The following BBC3 variants were observed in gnomAD, a reference collection of about 807,000 sequenced individuals.
BBC3 encodes BCL2 binding component 3, also known as bcl-2-binding component 3.
In BBC3, 5 loss-of-function variants were observed where a neutral mutation model predicts 18.2. The ratio of observed to expected loss-of-function variants is 0.27; its 90% CI spans 0.14 to 0.58. BBC3 has a LOEUF of 0.58. Among genes scored for constraint, BBC3 ranks in the 20% least tolerant of loss-of-function variants. BBC3 has a pLI of 0.91. For missense variants in BBC3, 224 were observed against 268.9 expected, an observed-to-expected ratio of 0.83 and a Z score of 1.17; for synonymous variants, 119 against 128.0, an observed-to-expected ratio of 0.93 and a Z score of 0.47.
chr19:47,227,452 C>T (rs184146269), intron 2 of BBC3, among the ~76,000 whole-genome samples: 9 of 152,286 alleles, frequency 5.9e-5, no homozygotes, highest in African/African-American at 2.2e-4. Flanking sequence ...AAATCGGTGT[C>T]CCCTTCCAGG....
Position 47,230,260 on chromosome 19 carries a change from C to G in BBC3, c.-16+669G>C, listed in dbSNP as rs1446886537. ...CAGAAACCCCAACATTCCTCTGGAT[C>G]GACACCACCACTCCCTGCAGAACCC... is the stretch of plus-strand genomic sequence containing the variant. On this transcript the variant is annotated intron_variant, in intron 1 of 3. Transcript: ENST00000439096. The surrounding 1 kb of genome is among the most constrained non-coding windows in gnomAD (Gnocchi z 6.7). Among the ~76,000 whole-genome samples, 3 of 152,054 alleles carry G rather than the reference C, an allele frequency of 2.0e-5. No homozygotes were observed. The highest frequency in any genetic ancestry group is 3.9e-4 in the East Asian group (2 of 5,184).
In BBC3 at chr19:47,228,687, G is replaced by A. The variant is rs969257453; in HGVS notation, c.-15-241C>T. Among the ~76,000 whole-genome samples the A allele has an allele frequency of 1.2e-4, 19 of 152,090 alleles. No individual in the cohort carries two copies. The highest frequency in any genetic ancestry group is 4.1e-4 in the African/African-American group (17 of 41,404). On this transcript the variant is annotated intron_variant, in intron 1 of 3. Transcript: ENST00000439096. This position sits in a 1 kb window ranked among gnomAD's most constrained non-coding sequence, Gnocchi z 5.5. ...CAGGAGGGACAGGGGGCACAGGACGGCTCTCACAGCAAGGACAGGGCTCAC... is the reference window on the plus strand; with the variant it reads ...CAGGAGGGACAGGGGGCACAGGACGACTCTCACAGCAAGGACAGGGCTCAC...
intron 3 of BBC3, among the ~76,000 whole-genome samples, chr19:47,226,261 C>T (rs1360966437): frequency 1.3e-5 from 2 of 151,736 alleles, no homozygotes; most frequent in Admixed American, 1.3e-4. Context: ...CCGCGCCGCC[C>T]AGCGCCGCCC....
Position 47,228,995 on chromosome 19 carries a change from T to TACACACACACACACACAC in BBC3, c.-15-550_-15-549insGTGTGTGTGTGTGTGTGT, listed in dbSNP as rs529213576. On this transcript the variant is annotated intron_variant, in intron 1 of 3. Coordinates refer to ENST00000439096, the MANE Select transcript of BBC3 (RefSeq NM_014417.5). The surrounding 1 kb of genome is among the most constrained non-coding windows in gnomAD (Gnocchi z 5.5). ...GGACATCACTACTCAGTACACACAA[T>TACACACACACACACACAC]ACACACACACCCCCGACCAAAGCAG... 2.0e-3 allele frequency among the ~76,000 whole-genome samples: 301 copies of TACACACACACACACACAC among 151,562 alleles called. 2 individuals carry two copies. Among genetic ancestry groups the TACACACACACACACACAC allele is most frequent in the African/African-American group, 7.1e-3 (294 of 41,226 alleles).
In BBC3 at chr19:47,230,165, C is replaced by G. The variant is rs548490790; in HGVS notation, c.-16+764G>C. 1.9e-4 allele frequency among the ~76,000 whole-genome samples: 29 copies of G among 152,118 alleles called. No homozygotes were observed. The highest frequency in any genetic ancestry group is 3.8e-4 in the Non-Finnish European group (26 of 67,992). The stretch of plus-strand genomic sequence containing the variant: ...AACACACGCAGGTCCACCCACCCCA[C>G]AAGCAGGGCACCCACAGACAGAACC... On this transcript the variant is annotated intron_variant, in intron 1 of 3. Transcript: ENST00000439096. This position sits in a 1 kb window ranked among gnomAD's most constrained non-coding sequence, Gnocchi z 6.7.
At chr19:47,226,441 G>A (rs1336730811) in intron 3 of BBC3, 123 bp downstream of exon 3, 23 of 804,542 alleles carry the variant, frequency 2.9e-5, no homozygotes, top group Non-Finnish European at 3.2e-5. Context: ...CCCCCCACCT[G>A]CCTGTCCGCG....
At chr19:47,223,164 C>T (rs966559796) in intron 3 of BBC3, among the ~76,000 whole-genome samples, 149 of 147,764 alleles carry the variant, frequency 1.0e-3, no homozygotes, top group African/African-American at 3.5e-3. Context: ...CCAGCTACTC[C>T]GGAGGCTGAG....
upstream of BBC3, chr19:47,232,592 C>T (rs1168816861): frequency 1.3e-6 from 2 of 1,535,178 alleles, no homozygotes; most frequent in East Asian, 5.0e-5. Context: ...AGACCCCATG[C>T]CAAATTTCAT....
intron 3 of BBC3, among the ~76,000 whole-genome samples, chr19:47,225,254 G>A (rs975302813): frequency 6.6e-6 from 1 of 151,688 alleles, no homozygotes; most frequent in Non-Finnish European, 1.5e-5. Flanking sequence ...CACCATGTTG[G>A]CCAGACTGGT....
upstream of BBC3, chr19:47,232,371 G>T (rs191424454): frequency 5.6e-5 from 37 of 655,948 alleles, 1 homozygote; most frequent in Middle Eastern, 8.5e-4. Context: ...ATAAAGGAAA[G>T]AAACTGACAT....
chr19:47,228,573 G>C lies in BBC3; in HGVS notation c.-15-127C>G, dbSNP rs1411155226. ...TGTGTGTGCATGCGGAGGGGGTGAC[G>C]GCCCCACAGAGACACGCCCAGCCGG... On this transcript the variant is annotated intron_variant, in intron 1 of 3. Coordinates refer to ENST00000439096, the MANE Select transcript of BBC3 (RefSeq NM_014417.5). The surrounding 1 kb of genome is among the most constrained non-coding windows in gnomAD (Gnocchi z 5.5). The C allele has an allele frequency of 1.0e-6, 1 of 963,512 alleles. No individual in the cohort carries two copies. The highest frequency in any genetic ancestry group is 1.3e-6 in the Non-Finnish European group (1 of 745,780). The allele number at this position is 963,512 out of a possible 1,614,324, so 59.7% of individuals were successfully genotyped here. A position where few individuals can be genotyped will look rare whatever the true frequency, so the allele number is the denominator to read the frequency against.
Position 47,228,103 on chromosome 19 carries a change from TC to T in BBC3, c.274+54del. The stretch of plus-strand genomic sequence containing the variant: ...CCCACTTCTCCAGTTCCTCCGAGTC[TC>T]CAGCCCTCTCTCTTCCCGGCTCCTA... On this transcript the variant is annotated intron_variant, in intron 2 of 3. Coordinates refer to ENST00000439096, the MANE Select transcript of BBC3 (RefSeq NM_014417.5). This position sits in a 1 kb window ranked among gnomAD's most constrained non-coding sequence, Gnocchi z 5.5. The T allele has an allele frequency of 8.3e-7, 1 of 1,202,740 alleles. No individual in the cohort carries two copies. The highest frequency in any genetic ancestry group is 1.0e-6 in the Non-Finnish European group (1 of 963,728). The allele number at this position is 1,202,740 out of a possible 1,614,324, so 74.5% of individuals were successfully genotyped here.
At chr19:47,232,520 A>G (rs1446222435), upstream of BBC3, 1 of 1,548,308 alleles carries the variant, frequency 6.5e-7, no homozygotes, top group Non-Finnish European at 8.7e-7. Flanking sequence ...CTCACCACAA[A>G]TCTGGCAGGG....
chr19:47,225,130 C>G (rs373287901), intron 3 of BBC3, among the ~76,000 whole-genome samples: 4 of 151,992 alleles, frequency 2.6e-5, no homozygotes, highest in African/African-American at 9.7e-5. Context: ...AGGCTTGTCT[C>G]GAACTCCCGA....
chr19:47,230,967 G>A lies in BBC3; in HGVS notation c.-54C>T. 6 of 983,318 alleles carry A rather than the reference G, an allele frequency of 6.1e-6. No individual in the cohort carries two copies. The highest frequency in any genetic ancestry group is 7.2e-6 in the Non-Finnish European group (6 of 827,904). 60.9% of individuals were successfully genotyped at this position (983,318 alleles called of 1,614,324 possible). A position where few individuals can be genotyped will look rare whatever the true frequency, so the allele number is the denominator to read the frequency against. On this transcript the variant is annotated 5_prime_UTR_variant, in exon 1 of 4. Transcript: ENST00000439096. The surrounding 1 kb of genome is among the most constrained non-coding windows in gnomAD (Gnocchi z 6.7). The stretch of plus-strand genomic sequence containing the variant: ...ACACGCCGGAGGGGGCGGCGGTGGG[G>A]GGCGGGCGGCTTCCTTCAGGAGGGC...
In BBC3 at chr19:47,228,703, C is replaced by T. The variant is rs956585531; in HGVS notation, c.-15-257G>A. Among the ~76,000 whole-genome samples the T allele has an allele frequency of 6.6e-6, 1 of 151,938 alleles. No individual in the cohort carries two copies. Among genetic ancestry groups the T allele is most frequent in the Non-Finnish European group, 1.5e-5 (1 of 67,960 alleles). ...CACAGGACGGCTCTCACAGCAAGGA[C>T]AGGGCTCACACAGGACGGATGGAGG... On this transcript the variant is annotated intron_variant, in intron 1 of 3. Transcript: ENST00000439096. The surrounding 1 kb of genome is among the most constrained non-coding windows in gnomAD (Gnocchi z 5.5).
At chr19:47,232,130 C>A (rs1010305188), upstream of BBC3, among the ~76,000 whole-genome samples, 3 of 152,172 alleles carry the variant, frequency 2.0e-5, no homozygotes, top group African/African-American at 7.2e-5. Context: ...GGTGCGTGGA[C>A]TGCCTGAGGT....
Position 47,226,710 on chromosome 19 carries a change from G to A in BBC3, c.319C>T (p.Pro107Ser), listed in dbSNP as rs961141609. ...LSLAEQHLES[P>S]VPSAPGALAG... is the part of the protein sequence containing the mutation. ...AGAGCCCCCGGGGCGCTGGGCACGG[G>A]CGACTCCAGGTGCTGCTCCGCCAGC... The change falls in exon 3 of 4, where the codon CCC becomes TCC. Residue 107 changes from proline to serine, a missense_variant. By Grantham distance (74) the Pro-to-Ser change is moderately conservative. Coordinates refer to ENST00000439096, the MANE Select transcript of BBC3 (RefSeq NM_014417.5). 1.1e-5 allele frequency: 16 copies of A among 1,453,256 alleles called. No individual in the cohort carries two copies. The highest frequency in any genetic ancestry group is 1.4e-5 in the Non-Finnish European group (15 of 1,106,850). The allele number at this position is 1,453,256 out of a possible 1,614,324, so 90.0% of individuals were successfully genotyped here.
chr19:47,221,967 G>A (rs778668010), intron 3 of BBC3, 49 bp from the exon 4 acceptor site: 2 of 1,505,708 alleles, frequency 1.3e-6, no homozygotes, highest in South Asian at 1.2e-5. Context: ...TGAGTATGGT[G>A]ATGGGAGTGG....
Sources: gnomAD v4.1 joint callset for allele counts (sites outside exome capture counted in the v4.1 genomes callset) on GRCh38, gnomAD v4.1.1 for gene constraint, Gnocchi (gnomAD v3.1) non-coding constraint, MANE v1.5 for transcripts, NCBI Gene and HGNC (gene_info 2026-07-23, HGNC 2026-07-21) for gene names.